The following EIF3E variants were observed in gnomAD, a reference collection of about 807,000 sequenced individuals.
The protein encoded by EIF3E is eIF-3 p48.
EIF3E carries 25 observed loss-of-function variants against 59.3 expected under a neutral mutation model. The ratio of observed to expected loss-of-function variants is 0.42; its 90% CI spans 0.31 to 0.59. The LOEUF is 0.59. Among genes scored for constraint, EIF3E ranks in the 20% least tolerant of loss-of-function variants. The pLI, the probability that EIF3E is intolerant of heterozygous loss-of-function variation, is 0.15. For missense variants in EIF3E, 317 were observed against 534.3 expected (o/e 0.59, Z 4.01); for synonymous variants, 176 against 170.2 (o/e 1.03, Z -0.26).
intron 2 of EIF3E, among the ~76,000 whole-genome samples, chr8:108,241,503 C>A (rs954131658): frequency 1.3e-5 from 2 of 151,592 alleles, no homozygotes; most frequent in African/African-American, 4.8e-5. Flanking sequence ...AACCCAAGAA[C>A]TGCAACATTC....
intron 1 of EIF3E, among the ~76,000 whole-genome samples, chr8:108,246,361 A>C (rs1229507511): frequency 6.6e-6 from 1 of 151,936 alleles, no homozygotes; most frequent in Admixed American, 6.6e-5. Context: ...CAAGACTCAA[A>C]GCCTCACCTC....
intron 7 of EIF3E, among the ~76,000 whole-genome samples, chr8:108,219,669 A>C (rs1815368460): frequency 6.6e-6 from 1 of 152,010 alleles, no homozygotes; most frequent in South Asian, 2.1e-4. Context: ...TGAGCCCAGG[A>C]GTTCAAGACT....
chr8:108,242,146 C>T (rs1408711564), intron 1 of EIF3E: 2 of 1,395,720 alleles, frequency 1.4e-6, no homozygotes, highest in Non-Finnish European at 1.9e-6. Context: ...TTACTGTAGA[C>T]ATTCCCACCT....
At chr8:108,224,885 C>A (rs989855354) in intron 7 of EIF3E, among the ~76,000 whole-genome samples, 4 of 151,576 alleles carry the variant, frequency 2.6e-5, no homozygotes, top group Admixed American at 6.6e-5. Context: ...TTCACCACCA[C>A]ACTTTTGCAG....
chr8:108,248,167 G>C (rs766220316), intron 1 of EIF3E, among the ~76,000 whole-genome samples: 1 of 152,122 alleles, frequency 6.6e-6, no homozygotes, highest in Non-Finnish European at 1.5e-5. Flanking sequence ...AAGTGTAAGA[G>C]AATCACTCCA....
chr8:108,240,975 A>G (rs1034881218), intron 2 of EIF3E, among the ~76,000 whole-genome samples: 53 of 103,372 alleles, frequency 5.1e-4, no homozygotes, highest in Admixed American at 8.2e-4. Flanking sequence ...GCGAGACTCC[A>G]TCTCAAAAAA....
At chr8:108,239,251 T>C (rs1815792831) in intron 3 of EIF3E, among the ~76,000 whole-genome samples, 1 of 152,166 alleles carries the variant, frequency 6.6e-6, no homozygotes, top group South Asian at 2.1e-4. Flanking sequence ...ATTATGACAC[T>C]GACTCATTGC....
chr8:108,228,968 T>C (rs1295967448), intron 6 of EIF3E, 102 bp downstream of exon 6: 1 of 711,836 alleles, frequency 1.4e-6, no homozygotes, highest in African/African-American at 2.2e-5. Context: ...CTAATATGAA[T>C]TTTTTTTTTT....
At chr8:108,217,879 A>T (rs1235959979) in intron 7 of EIF3E, among the ~76,000 whole-genome samples, 1 of 152,214 alleles carries the variant, frequency 6.6e-6, no homozygotes. Flanking sequence ...ACTTAAATTA[A>T]ATAATTCAGG....
At chr8:108,216,961 A>T (rs1027226480) in intron 8 of EIF3E, among the ~76,000 whole-genome samples, 8 of 152,176 alleles carry the variant, frequency 5.3e-5, no homozygotes, top group Non-Finnish European at 1.2e-4. Context: ...CTTTTGCCCA[A>T]CTTGGGGTCT....
intron 3 of EIF3E, 58 bp from the exon 4 acceptor site, chr8:108,236,261 CAT>C (rs1173832079): frequency 1.5e-6 from 2 of 1,367,712 alleles, no homozygotes; most frequent in Non-Finnish European, 2.0e-6. Context: ...ACAAAATAAG[CAT>C]ATCCAACTTC....
chr8:108,214,850 G>A (rs1815272737), intron 9 of EIF3E, 134 bp from the exon 10 acceptor site: 1 of 704,254 alleles, frequency 1.4e-6, no homozygotes, highest in Non-Finnish European at 2.3e-6. Flanking sequence ...CTAGAACACT[G>A]TGTTCAAATC....
chr8:108,217,558 G>C, intron 7 of EIF3E, 98 bp from the exon 8 acceptor site: 1 of 960,314 alleles, frequency 1.0e-6, no homozygotes, highest in Non-Finnish European at 1.5e-6. Flanking sequence ...ACTAGCCTAA[G>C]ACTGCAAACA....
intron 7 of EIF3E, among the ~76,000 whole-genome samples, chr8:108,220,741 G>T (rs369778201): frequency 6.6e-6 from 1 of 152,188 alleles, no homozygotes. Flanking sequence ...AACTGTTCTC[G>T]CTGAAAGGTT....
Position 108,228,377 on chromosome 8 carries a change from T to C in EIF3E, c.612A>G (p.Pro204=), listed in dbSNP as rs769056791. 2.6e-6 allele frequency: 4 copies of C among 1,554,992 alleles called. No individual in the cohort carries two copies. The highest frequency in any genetic ancestry group is 3.5e-6 in the Non-Finnish European group (4 of 1,152,300). The change falls in exon 7 of 13, where the codon CCA becomes CCG. Residue 204 remains proline, a synonymous_variant. Coordinates refer to ENST00000220849, the MANE Select transcript of EIF3E (RefSeq NM_001568.3). ...ETIDNNSVSS[P]LQSLQQRTWL... is the part of the protein sequence containing the mutation. ...ATGTTCTCTGCTGAAGAGACTGAAGTGGAGAACTCACAGACTAAAGGATTT... is the reference window on the plus strand; with the variant it reads ...ATGTTCTCTGCTGAAGAGACTGAAGCGGAGAACTCACAGACTAAAGGATTT...
At position 108,211,007 on chromosome 8, in the gene EIF3E, T is replaced by C. The variant is rs182829267; in HGVS notation, c.1061+3600A>G. ...AATCCAGTCTATCATTGATGAACAT[T>C]TGGGTCGGTTCCAAGTCTTTGCTAT... On this transcript the variant is annotated intron_variant, in intron 10 of 12. Coordinates refer to ENST00000220849, the MANE Select transcript of EIF3E (RefSeq NM_001568.3). Among the ~76,000 whole-genome samples the C allele has an allele frequency of 4.1e-3, 631 of 152,304 alleles. 4 individuals are homozygous for C. Among genetic ancestry groups the C allele is most frequent in the African/African-American group, 0.014 (599 of 41,558 alleles).
chr8:108,229,301 C>G (rs1345079364), intron 5 of EIF3E, 106 bp from the exon 6 acceptor site: 8 of 1,133,324 alleles, frequency 7.1e-6, no homozygotes, highest in Middle Eastern at 2.1e-4. Context: ...AGACCTATAG[C>G]TTTCTACAAA....
At chr8:108,205,662 C>G (rs1815086635) in intron 10 of EIF3E, among the ~76,000 whole-genome samples, 1 of 152,154 alleles carries the variant, frequency 6.6e-6, no homozygotes, top group Non-Finnish European at 1.5e-5. Context: ...TCACCTAGGA[C>G]TTGAATCATC....
chr8:108,234,451 C>T (rs975274372), intron 5 of EIF3E: 4 of 152,158 alleles, frequency 2.6e-5, no homozygotes, highest in Admixed American at 6.5e-5. Flanking sequence ...ACCATTTAAA[C>T]TCATCTATAC....
Sources: gnomAD v4.1 joint callset for allele counts (sites outside exome capture counted in the v4.1 genomes callset) on GRCh38, gnomAD v4.1.1 for gene constraint, MANE v1.5 for transcripts, NCBI Gene and HGNC (gene_info 2026-07-23, HGNC 2026-07-21) for gene names.